Variants in LRRTM4 observed in about 807,000 individuals in gnomAD.
The protein encoded by LRRTM4 is leucine-rich repeat transmembrane neuronal protein 4.
In LRRTM4, 25 loss-of-function variants were observed where a neutral mutation model predicts 47.6. The ratio of observed to expected loss-of-function variants is 0.53; its 90% CI spans 0.38 to 0.73. LRRTM4 has a LOEUF of 0.73. Ranked by LOEUF, LRRTM4 falls within the 30% of genes least tolerant of loss-of-function variation. The pLI is 0.00. For synonymous variants in LRRTM4, 311 were observed against 269.5 expected (o/e 1.15, Z -1.51); for missense variants, 638 against 713.4 (o/e 0.89, Z 1.20).
In LRRTM4 at chr2:76,770,912, C is replaced by G. The variant is rs150685382; in HGVS notation, c.1552-21996G>C. Among the ~76,000 whole-genome samples the G allele has an allele frequency of 4.1e-3, 620 of 152,268 alleles. 10 individuals carry two copies. In the South Asian group the frequency reaches 0.05, roughly 12 times the overall value. ...TACATGTTCCAAGAGTTCAAGTTAG[C>G]CTTTTCTCTGTAATCCTCAAAAAAC... On this transcript the variant is annotated intron_variant, in intron 3 of 3. Transcript: ENST00000409884.
At chr2:76,964,156 T>C (rs1019936594) in intron 3 of LRRTM4, among the ~76,000 whole-genome samples, 2 of 151,006 alleles carry the variant, frequency 1.3e-5, no homozygotes, top group African/African-American at 4.8e-5. Context: ...AAATGAATGT[T>C]TGTAGCTGTG....
intron 3 of LRRTM4, among the ~76,000 whole-genome samples, chr2:77,095,524 T>TTTTTTTTTG: frequency 6.6e-6 from 1 of 150,696 alleles, no homozygotes; most frequent in East Asian, 2.0e-4. Flanking sequence ...TTTTTTTTTT[T>TTTTTTTTTG]AGACAGAGTC....
intron 3 of LRRTM4, among the ~76,000 whole-genome samples, chr2:76,959,507 T>G (rs570162630): frequency 4.6e-5 from 7 of 151,776 alleles, no homozygotes; most frequent in Admixed American, 1.3e-4. Context: ...AAATGGGGTT[T>G]GTTCCATTAG....
intron 3 of LRRTM4, among the ~76,000 whole-genome samples, chr2:77,193,214 A>G (rs1171649886): frequency 1.3e-5 from 2 of 152,160 alleles, no homozygotes; most frequent in Non-Finnish European, 2.9e-5. Context: ...AGGCTAGACC[A>G]TATAGTCTAG....
intron 3 of LRRTM4, among the ~76,000 whole-genome samples, chr2:77,129,802 T>C (rs1204161938): frequency 6.6e-6 from 1 of 152,194 alleles, no homozygotes; most frequent in Admixed American, 6.5e-5. Context: ...TAAATTTGTC[T>C]ACCTCATTAT....
chr2:76,841,744 G>A (rs1671690420), intron 3 of LRRTM4, among the ~76,000 whole-genome samples: 1 of 149,134 alleles, frequency 6.7e-6, no homozygotes, highest in African/African-American at 2.5e-5. Context: ...TTAGAAAAAT[G>A]TAAAAAAGTA....
At chr2:77,062,727 T>C (rs915916691) in intron 3 of LRRTM4, among the ~76,000 whole-genome samples, 1 of 152,142 alleles carries the variant, frequency 6.6e-6, no homozygotes, top group African/African-American at 2.4e-5. Context: ...TTTCAATGTA[T>C]CTTATTGTTG....
intron 3 of LRRTM4, chr2:77,516,811 T>G (rs1679223236): frequency 1.0e-6 from 1 of 981,938 alleles, no homozygotes; most frequent in Non-Finnish European, 1.2e-6. Flanking sequence ...AACAGTTCAA[T>G]AGTCCAAATT....
At chr2:77,293,204 A>G (rs768211862) in intron 3 of LRRTM4, among the ~76,000 whole-genome samples, 97 of 152,176 alleles carry the variant, frequency 6.4e-4, no homozygotes, top group Non-Finnish European at 7.9e-4. Context: ...CACAAGGTAC[A>G]GTGCAAATAA....
At chr2:76,801,573 G>A (rs1675684313) in intron 3 of LRRTM4, among the ~76,000 whole-genome samples, 1 of 151,990 alleles carries the variant, frequency 6.6e-6, no homozygotes, top group East Asian at 1.9e-4. Context: ...TAGATGATGA[G>A]TTAGTGGGTG....
At chr2:76,823,651 C>T (rs1358673889) in intron 3 of LRRTM4, among the ~76,000 whole-genome samples, 1 of 149,196 alleles carries the variant, frequency 6.7e-6, no homozygotes, top group African/African-American at 2.5e-5. Context: ...TGTAAGTGTT[C>T]TTCCGTTCAT....
At chr2:76,817,081 TA>T (rs577889422) in intron 3 of LRRTM4, among the ~76,000 whole-genome samples, 36 of 151,918 alleles carry the variant, frequency 2.4e-4, no homozygotes, top group African/African-American at 8.0e-4. Context: ...AGAAGAAATC[TA>T]AAGAATGAAG....
chr2:77,045,787 G>T (rs757629240), intron 3 of LRRTM4, among the ~76,000 whole-genome samples: 2 of 151,802 alleles, frequency 1.3e-5, no homozygotes, highest in Admixed American at 6.6e-5. Context: ...TCAGTCTTGG[G>T]TAAGTGTTTA....
chr2:77,496,623 G>T (rs79007103), intron 3 of LRRTM4, among the ~76,000 whole-genome samples: 7,337 of 151,710 alleles, frequency 0.048, 237 homozygotes, highest in Non-Finnish European at 0.073. Flanking sequence ...CTAATATTTG[G>T]ATGCTATACT....
intron 3 of LRRTM4, among the ~76,000 whole-genome samples, chr2:77,436,090 C>T (rs1378806513): frequency 1.3e-5 from 2 of 152,024 alleles, no homozygotes; most frequent in East Asian, 3.9e-4. Context: ...TAAGTTCAAA[C>T]AGAGTAGAGT....
In LRRTM4 at chr2:76,970,494, A is replaced by G. The variant is rs571826831; in HGVS notation, c.1552-221578T>C. ...GCATGCTATTGAATAAGTTATATAAATAAAAAGTTTTATAAATTCAGCAAC... is the reference window on the plus strand; with the variant it reads ...GCATGCTATTGAATAAGTTATATAAGTAAAAAGTTTTATAAATTCAGCAAC... On this transcript the variant is annotated intron_variant, in intron 3 of 3. Coordinates refer to ENST00000409884, the MANE Select transcript of LRRTM4 (RefSeq NM_001134745.3). Among the ~76,000 whole-genome samples, 18 of 152,148 alleles carry G rather than the reference A, an allele frequency of 1.2e-4. No homozygotes were observed. The East Asian group carries it at 2.3e-3, about 20-fold the overall frequency.
At chr2:77,326,643 A>C (rs527357814) in intron 3 of LRRTM4, among the ~76,000 whole-genome samples, 1 of 152,160 alleles carries the variant, frequency 6.6e-6, no homozygotes. Context: ...CAATTGTTCC[A>C]CCTTGGCCTC....
rs386390525 is a variant in LRRTM4 at position 77,083,783 on chromosome 2, CTTTTTTTTTT to C, written c.1552-334877_1552-334868del. The stretch of plus-strand genomic sequence containing the variant: ...ACTTCTCAATTTTTAACTGGACACA[CTTTTTTTTTT>C]TTTTTTTTTTTTTTTTTTTTTTTTT... On this transcript the variant is annotated intron_variant, in intron 3 of 3. Transcript: ENST00000409884. Among the ~76,000 whole-genome samples the C allele has an allele frequency of 3.5e-3, 185 of 52,316 alleles. 1 individual carries two copies. The highest frequency in any genetic ancestry group is 0.024 in the South Asian group (35 of 1,466). The allele number at this position is 52,316 out of a possible 152,430, so 34.3% of individuals were successfully genotyped here. A position where few individuals can be genotyped will look rare whatever the true frequency, so the allele number is the denominator to read the frequency against.
intron 3 of LRRTM4, among the ~76,000 whole-genome samples, chr2:76,961,416 A>T (rs923179056): frequency 1.8e-4 from 27 of 150,890 alleles, no homozygotes; most frequent in Admixed American, 1.7e-3. Flanking sequence ...AAAAAAAAAA[A>T]CTCATCGTCA....
Sources: gnomAD v4.1 joint callset for allele counts (sites outside exome capture counted in the v4.1 genomes callset) on GRCh38, gnomAD v4.1.1 for gene constraint, MANE v1.5 for transcripts, NCBI Gene and HGNC (gene_info 2026-07-23, HGNC 2026-07-21) for gene names.